Variants in PHF14 observed in about 807,000 individuals in gnomAD.
PHF14 encodes PHD finger protein 14.
Under a neutral mutation model 117.9 loss-of-function variants are expected in PHF14, and 55 were observed. That is an observed-to-expected ratio of 0.47 (90% CI 0.38 to 0.58). The LOEUF (loss-of-function observed/expected upper bound fraction) is 0.58. PHF14 is among the 20% of genes least tolerant of loss of function. PHF14 has a pLI of 0.00. For missense variants in PHF14, 978 were observed against 1,122.2 expected (o/e 0.87, Z 1.84); for synonymous variants, 409 against 368.6 (o/e 1.11, Z -1.26).
chr7:11,024,886 T>G (rs1463996268), intron 6 of PHF14, among the ~76,000 whole-genome samples: 1 of 152,242 alleles, frequency 6.6e-6, no homozygotes, highest in Non-Finnish European at 1.5e-5. Flanking sequence ...TAAAGTCTGA[T>G]TATTTAAGAA....
intron 17 of PHF14, among the ~76,000 whole-genome samples, chr7:11,156,521 G>A (rs967748478): frequency 2.0e-5 from 3 of 152,034 alleles, no homozygotes; most frequent in Non-Finnish European, 4.4e-5. Context: ...CTGGCCGGGC[G>A]TGGTGGCTCA....
chr7:11,062,583 A>G lies in PHF14; in HGVS notation c.2654+498A>G, dbSNP rs192411202. On this transcript the variant is annotated intron_variant, in intron 16 of 17. Transcript: ENST00000634607. ...TGCTTCTCCCTTACGAAATAAAGAA[A>G]GGTGAAAAGATGGCCTAGGTTGATT... The G allele has an allele frequency of 2.5e-3, 1,166 of 464,662 alleles. 2 individuals carry two copies. Among genetic ancestry groups the G allele is most frequent in the Non-Finnish European group, 2.8e-3 (1,006 of 354,098 alleles). The allele number at this position is 464,662 out of a possible 1,614,324, so 28.8% of individuals were successfully genotyped here.
chr7:11,033,401 T>G (rs1784194195), intron 7 of PHF14, among the ~76,000 whole-genome samples: 1 of 152,160 alleles, frequency 6.6e-6, no homozygotes, highest in African/African-American at 2.4e-5. Flanking sequence ...CCATCTTGAC[T>G]GGATTCTTCC....
intron 17 of PHF14, among the ~76,000 whole-genome samples, chr7:11,153,476 T>C (rs111608826): frequency 2.6e-5 from 4 of 152,058 alleles, no homozygotes; most frequent in African/African-American, 9.7e-5. Flanking sequence ...AAAAAGTTTA[T>C]TGGAGACAAG....
chr7:11,132,865 G>A (rs758770831), intron 17 of PHF14, among the ~76,000 whole-genome samples: 4 of 151,734 alleles, frequency 2.6e-5, no homozygotes, highest in African/African-American at 4.8e-5. Context: ...GTGATGTTGA[G>A]CACCTTTTCA....
intron 13 of PHF14, among the ~76,000 whole-genome samples, chr7:11,051,115 A>T (rs1258518906): frequency 6.6e-6 from 1 of 152,114 alleles, no homozygotes; most frequent in Non-Finnish European, 1.5e-5. Flanking sequence ...ATCATAGCTC[A>T]CTGCAGCCTC....
chr7:11,110,833 G>C (rs918259870), intron 16 of PHF14: 1 of 152,074 alleles, frequency 6.6e-6, no homozygotes, highest in African/African-American at 2.4e-5. Context: ...TTAACTTGAA[G>C]AAAGAGAGAA....
intron 16 of PHF14, among the ~76,000 whole-genome samples, chr7:11,101,330 A>G (rs1333769356): frequency 6.6e-6 from 1 of 151,772 alleles, no homozygotes; most frequent in Non-Finnish European, 1.5e-5. Context: ...TTAAGAGTTA[A>G]TTGTATTTCT....
At chr7:11,092,904 G>GT (rs961533354) in intron 16 of PHF14, among the ~76,000 whole-genome samples, 2 of 152,228 alleles carry the variant, frequency 1.3e-5, no homozygotes, top group African/African-American at 4.8e-5. Context: ...GTTAAAGGGT[G>GT]TTTTTTTCCC....
chr7:11,038,626 C>T (rs1784393643), intron 10 of PHF14, 134 bp from the exon 11 acceptor site: 1 of 255,600 alleles, frequency 3.9e-6, no homozygotes, highest in African/African-American at 2.3e-5. Context: ...TCACCGCACT[C>T]CAGCCTGGTG....
At chr7:11,086,664 TA>T (rs1267495161) in intron 16 of PHF14, among the ~76,000 whole-genome samples, 1 of 152,234 alleles carries the variant, frequency 6.6e-6, no homozygotes, top group Non-Finnish European at 1.5e-5. Flanking sequence ...TAGTGGTACT[TA>T]TTTAATATTT....
At chr7:11,093,796 T>G (rs1244138380) in intron 16 of PHF14, among the ~76,000 whole-genome samples, 1 of 152,198 alleles carries the variant, frequency 6.6e-6, no homozygotes, top group Non-Finnish European at 1.5e-5. Context: ...ATGGCAGCTT[T>G]ATTCTGGCTT....
At chr7:11,101,973 C>T (rs977463697) in intron 16 of PHF14, among the ~76,000 whole-genome samples, 5 of 151,750 alleles carry the variant, frequency 3.3e-5, no homozygotes, top group African/African-American at 1.2e-4. Context: ...AGCTTAGGCA[C>T]AGGATAAGAA....
intron 3 of PHF14, among the ~76,000 whole-genome samples, chr7:10,985,910 C>T (rs1782208742): frequency 6.6e-6 from 1 of 151,942 alleles, no homozygotes; most frequent in South Asian, 2.1e-4. Context: ...GCCTTGGCCT[C>T]CCAAAGTGCT....
intron 4 of PHF14, among the ~76,000 whole-genome samples, chr7:10,993,010 G>A (rs941947349): frequency 8.6e-5 from 13 of 151,988 alleles, no homozygotes; most frequent in Middle Eastern, 3.2e-3. Context: ...GGAATACCAC[G>A]GAAGTTATAT....
At chr7:11,147,572 A>C (rs1328601994) in intron 17 of PHF14, among the ~76,000 whole-genome samples, 1 of 152,166 alleles carries the variant, frequency 6.6e-6, no homozygotes, top group African/African-American at 2.4e-5. Context: ...TTGACCTCTC[A>C]ATGTTATTTA....
At chr7:11,041,299 C>T (rs956122368) in intron 12 of PHF14, among the ~76,000 whole-genome samples, 4 of 151,762 alleles carry the variant, frequency 2.6e-5, no homozygotes, top group East Asian at 1.9e-4. Flanking sequence ...TCAATATTTT[C>T]GGTGTTCACC....
At chr7:11,089,275 T>C (rs1218943073) in intron 16 of PHF14, among the ~76,000 whole-genome samples, 3 of 152,242 alleles carry the variant, frequency 2.0e-5, no homozygotes, top group Admixed American at 6.5e-5. Context: ...TTCAGTTAGT[T>C]ATGCAGTATA....
At chr7:10,989,047 A>G (rs1681284) in intron 3 of PHF14, among the ~76,000 whole-genome samples, 69,877 of 151,906 alleles carry the variant, frequency 0.46, 16,599 homozygotes, top group Middle Eastern at 0.58. Context: ...TTTATTTGCC[A>G]GCCATTTGTC....
Sources: allele counts gnomAD v4.1 joint callset (sites outside exome capture counted in the v4.1 genomes callset), GRCh38; gene constraint gnomAD v4.1.1; transcripts MANE v1.5; gene names NCBI Gene and HGNC (gene_info 2026-07-23, HGNC 2026-07-21).